DHCR24: variants seen among roughly 807,000 people sequenced by gnomAD.
DHCR24 encodes delta(24)-sterol reductase.
DHCR24 carries 28 observed loss-of-function variants against 61.2 expected under a neutral mutation model. The observed-to-expected ratio is 0.46, with a 90% confidence interval of 0.34 to 0.63. DHCR24 has a LOEUF of 0.63. Among genes scored for constraint, DHCR24 ranks in the 20% least tolerant of loss-of-function variants. The pLI is 0.01. For missense variants in DHCR24, 538 were observed against 679.1 expected (o/e 0.79, Z 2.31); for synonymous variants, 261 against 275.9 (o/e 0.95, Z 0.54).
At position 54,887,180 on chromosome 1, in the gene DHCR24, G is replaced by T; in HGVS notation, c.-61C>A. 7.0e-7 allele frequency: 1 copy of T among 1,423,948 alleles called. No homozygotes were observed. The highest frequency in any genetic ancestry group is 9.5e-7 in the Non-Finnish European group (1 of 1,050,174). 88.2% of individuals were successfully genotyped at this position (1,423,948 alleles called of 1,614,324 possible). On this transcript the variant is annotated 5_prime_UTR_variant, in exon 1 of 9. Transcript: ENST00000371269. ...GCCTCCTGTCACTGCCGCCAGCTCC[G>T]CGCCTGGCCCGCTCTGCGCCTGTAG... is the stretch of plus-strand genomic sequence containing the variant.
chr1:54,868,307 A>AG (rs1646978607), intron 5 of DHCR24, among the ~76,000 whole-genome samples: 1 of 152,052 alleles, frequency 6.6e-6, no homozygotes, highest in Non-Finnish European at 1.5e-5. Flanking sequence ...CATCTCTACT[A>AG]AAAATACAAA....
chr1:54,856,888 T>C (rs1344203036), intron 6 of DHCR24, among the ~76,000 whole-genome samples: 1 of 152,214 alleles, frequency 6.6e-6, no homozygotes, highest in African/African-American at 2.4e-5. Context: ...CCCTTCTCCC[T>C]TGCCAGCACA....
At chr1:54,861,567 G>A (rs1012387443) in intron 6 of DHCR24, among the ~76,000 whole-genome samples, 3 of 151,984 alleles carry the variant, frequency 2.0e-5, no homozygotes, top group Admixed American at 6.5e-5. Context: ...TCTCACATCC[G>A]GCCTCCCCTC....
chr1:54,871,519 T>C lies in DHCR24; in HGVS notation c.707A>G (p.Lys236Arg). ...AAEIRIIPAK[K>R]YVKLRFEPVR... ...TGGCTCGAAACGCAGCTTGACGTAC[T>C]TCTTGGCAGGGATGATGCGGATCTC... Residue 236 changes from lysine (K) to arginine (R), a missense_variant, in exon 5 of 9, where the codon AAG (lysine) becomes AGG (arginine). By Grantham distance (26) the Lys-to-Arg change is conservative. Transcript: ENST00000371269. 2 of 1,614,220 alleles carry C rather than the reference T, an allele frequency of 1.2e-6. No homozygotes were observed. Among genetic ancestry groups the C allele is most frequent in the Non-Finnish European group, 1.7e-6 (2 of 1,180,032 alleles).
chr1:54,865,715 G>A (rs142507590), intron 5 of DHCR24, among the ~76,000 whole-genome samples: 87 of 152,262 alleles, frequency 5.7e-4, no homozygotes, highest in African/African-American at 1.9e-3. Context: ...CAGCGACCCC[G>A]CCTAGCCTGG....
chr1:54,862,563 C>T (rs900465710), intron 6 of DHCR24, among the ~76,000 whole-genome samples: 1 of 152,178 alleles, frequency 6.6e-6, no homozygotes, highest in Non-Finnish European at 1.5e-5. Flanking sequence ...CCTCCCCTAA[C>T]CTGCAAGGTG....
intron 5 of DHCR24, among the ~76,000 whole-genome samples, chr1:54,868,808 C>T (rs1274181689): frequency 6.6e-6 from 1 of 152,172 alleles, no homozygotes; most frequent in Non-Finnish European, 1.5e-5. Flanking sequence ...TGGGTCACGC[C>T]TGTAATCCCA....
Position 54,887,024 on chromosome 1 carries a change from C to T in DHCR24, c.96G>A (p.Trp32Ter). The T allele has an allele frequency of 6.2e-7, 1 of 1,613,412 alleles. No homozygotes were observed. Among genetic ancestry groups the T allele is most frequent in the Non-Finnish European group, 8.5e-7 (1 of 1,179,684 alleles). The change falls in exon 1 of 9, where the codon TGG becomes TGA. Residue 32 changes from tryptophan (W) to a stop codon, truncating the protein, a stop_gained. Coordinates refer to ENST00000371269, the MANE Select transcript of DHCR24 (RefSeq NM_014762.4). LOFTEE classifies it high-confidence loss of function. The stretch of plus-strand genomic sequence containing the variant: ...GCAGGAGGAAGAGGCACACGAACAC[C>T]CAGCGCTGGTGGATGAGCACGAACT... ...GLEFVLIHQR[W>*]VFVCLFLLPL...
chr1:54,881,780 TAC>T (rs1647065034), intron 2 of DHCR24, among the ~76,000 whole-genome samples: 1 of 152,178 alleles, frequency 6.6e-6, no homozygotes, highest in African/African-American at 2.4e-5. Context: ...GAAAATGTGG[TAC>T]GTATACACCA....
At chr1:54,881,454 A>T (rs1031478411) in intron 2 of DHCR24, among the ~76,000 whole-genome samples, 5 of 150,840 alleles carry the variant, frequency 3.3e-5, no homozygotes, top group Admixed American at 3.3e-4. Context: ...CATCTGACAC[A>T]GTCAGAATGG....
In DHCR24 at chr1:54,883,188, C is replaced by T. The variant is rs1443178608; in HGVS notation, c.387+430G>A. Among the ~76,000 whole-genome samples the T allele has an allele frequency of 3.9e-5, 6 of 152,026 alleles. No individual in the cohort carries two copies. Among genetic ancestry groups the T allele is most frequent in the East Asian group, 3.9e-4 (2 of 5,192 alleles). Reference sequence around the variant, plus strand: ...TTTCCTTTTTCCTTAAGCCAGGTTTCGAGAAGTAAAATTACTAGATGGGCC... The same window carrying T: ...TTTCCTTTTTCCTTAAGCCAGGTTTTGAGAAGTAAAATTACTAGATGGGCC... On this transcript the variant is annotated intron_variant, in intron 2 of 8. Transcript: ENST00000371269. The surrounding 1 kb of genome is among the most constrained non-coding windows in gnomAD (Gnocchi z 4.3).
chr1:54,875,598 TGAA>T (rs1051010269), intron 3 of DHCR24, among the ~76,000 whole-genome samples: 5 of 152,172 alleles, frequency 3.3e-5, no homozygotes, highest in South Asian at 2.1e-4. Context: ...GTGTTTTCCC[TGAA>T]GAAGAAGAGG....
At chr1:54,853,998 A>C (rs1176016896) in intron 7 of DHCR24, 39 bp downstream of exon 7, 2 of 1,576,978 alleles carry the variant, frequency 1.3e-6, no homozygotes, top group Admixed American at 3.5e-5. Flanking sequence ...ATTCCAAGGG[A>C]ATGCACCTGG....
At position 54,853,521 on chromosome 1, in the gene DHCR24, A is replaced by G; in HGVS notation, c.1310T>C (p.Ile437Thr). 3 of 1,614,160 alleles carry G rather than the reference A, an allele frequency of 1.9e-6. No homozygotes were observed. The highest frequency in any genetic ancestry group is 1.1e-5 in the South Asian group (1 of 91,076). ...CACACGCGGCTCCCCATATGCTCCA[A>G]TGTCGATGTAGAGCTCTGCCTCATT... ...KGNEAELYID[I>T]GAYGEPRVKH... Residue 437 changes from isoleucine to threonine, a missense_variant, in exon 8 of 9, where the codon ATT becomes ACT. Physicochemically the swap from Ile to Thr is moderately conservative, Grantham distance 89. Coordinates refer to ENST00000371269, the MANE Select transcript of DHCR24 (RefSeq NM_014762.4).
intron 2 of DHCR24, 25 bp from the exon 3 acceptor site, chr1:54,876,072 TG>T: frequency 6.2e-7 from 1 of 1,602,324 alleles, no homozygotes; most frequent in Non-Finnish European, 8.6e-7. Context: ...AAAGAGACCC[TG>T]GGTCAAAAGG....
rs369982192 is a variant in DHCR24, at chr1:54,878,073, T to C, written c.388-2026A>G. Reference sequence around the variant, plus strand: ...GAATACAGTGTGCAGGACAGAGTACTGGAGAGGAGAGAGTTGCACAGAGAA... The same window carrying C: ...GAATACAGTGTGCAGGACAGAGTACCGGAGAGGAGAGAGTTGCACAGAGAA... On this transcript the variant is annotated intron_variant, in intron 2 of 8. Transcript: ENST00000371269. 4.7e-5 allele frequency among the ~76,000 whole-genome samples: 7 copies of C among 150,458 alleles called. No individual in the cohort carries two copies. In the East Asian group the frequency reaches 1.4e-3, roughly 29 times the overall value.
rs893384331 is a variant in DHCR24, at chr1:54,859,474, CT to C, written c.1021-5241del. ...TTATTTACTTTGTCTCCAACAGTTC[CT>C]TTTTTTTTTCTTATTTTTGAGACAG... On this transcript the variant is annotated intron_variant, in intron 6 of 8. Transcript: ENST00000371269. Among the ~76,000 whole-genome samples, 9 of 150,168 alleles carry C rather than the reference CT, an allele frequency of 6.0e-5. No individual in the cohort carries two copies. In the South Asian group the frequency reaches 6.4e-4, roughly 11 times the overall value.
intron 3 of DHCR24, 152 bp from the exon 4 acceptor site, chr1:54,875,363 T>A (rs540147939): frequency 1.4e-6 from 1 of 739,096 alleles, no homozygotes; most frequent in Non-Finnish European, 2.4e-6. Context: ...CACCTGTCAA[T>A]CTAGAGAGCA....
At chr1:54,852,476 A>G (rs973240292) in intron 8 of DHCR24, 90 bp from the exon 9 acceptor site, 156 of 1,472,928 alleles carry the variant, frequency 1.1e-4, no homozygotes, top group Admixed American at 1.7e-4. Context: ...TGCAGCCCAG[A>G]AAAGGCTTTT....
Sources: allele counts gnomAD v4.1 joint callset (sites outside exome capture counted in the v4.1 genomes callset), GRCh38; gene constraint gnomAD v4.1.1; non-coding constraint Gnocchi (gnomAD v3.1); transcripts MANE v1.5; gene names NCBI Gene and HGNC (gene_info 2026-07-23, HGNC 2026-07-21).